The following GPHN variants were observed in gnomAD, a reference collection of about 807,000 sequenced individuals.
GPHN encodes gephyrin.
A neutral mutation model predicts 95.5 loss-of-function variants in GPHN; 17 were observed. That is an observed-to-expected ratio of 0.18 (90% CI 0.12 to 0.27). The LOEUF is 0.27. GPHN is among the 10% of genes least tolerant of loss of function. The probability of loss-of-function intolerance (pLI) is 1.00; values close to 1 mark genes in which losing one functional copy is unlikely to be tolerated. For missense variants in GPHN, 660 were observed against 978.1 expected (o/e 0.67, Z 4.34); for synonymous variants, 320 against 322.5 (o/e 0.99, Z 0.08).
At chr14:67,139,946 C>A (rs2080351878) in intron 17 of GPHN, among the ~76,000 whole-genome samples, 1 of 152,062 alleles carries the variant, frequency 6.6e-6, no homozygotes, top group Admixed American at 6.5e-5. Flanking sequence ...TGAGCATATT[C>A]TTTGAAACAT....
At chr14:67,653,313 G>A in the GPHN span, 3 of 712,084 alleles carry the variant, frequency 4.2e-6, no homozygotes, top group South Asian at 5.1e-5. Context: ...GTGGTACTGA[G>A]TATACAGGGA....
At chr14:66,932,463 T>TG (rs1567118549) in intron 8 of GPHN, among the ~76,000 whole-genome samples, 16 of 133,670 alleles carry the variant, frequency 1.2e-4, no homozygotes, top group South Asian at 5.6e-4. Context: ...TTTTTTTTTT[T>TG]TTTTTTTTTT....
chr14:66,801,914 G>A (rs1166666400), intron 3 of GPHN, among the ~76,000 whole-genome samples: 2 of 152,138 alleles, frequency 1.3e-5, no homozygotes, highest in Non-Finnish European at 2.9e-5. Flanking sequence ...GATCAGGCCT[G>A]AAACCAGCAC....
intron 11 of GPHN, among the ~76,000 whole-genome samples, chr14:67,070,873 C>A (rs138688656): frequency 6.6e-6 from 1 of 151,488 alleles, no homozygotes; most frequent in African/African-American, 2.4e-5. Context: ...ATAAAATTAC[C>A]TATTCACACA....
the GPHN span, chr14:67,571,072 T>A: frequency 6.6e-6 from 1 of 152,408 alleles, no homozygotes; most frequent in Admixed American, 6.5e-5. Context: ...CGAAGCACCA[T>A]AACTATTAAT....
the GPHN span, among the ~76,000 whole-genome samples, chr14:67,250,817 C>T: frequency 1.3e-5 from 2 of 152,146 alleles, no homozygotes; most frequent in African/African-American, 4.8e-5. Flanking sequence ...GTTTTTTATA[C>T]CTTATCCTTT....
At chr14:66,807,137 A>G (rs1299020942) in intron 3 of GPHN, among the ~76,000 whole-genome samples, 3 of 152,228 alleles carry the variant, frequency 2.0e-5, no homozygotes, top group African/African-American at 7.2e-5. Context: ...AGATGGCAGC[A>G]GGCAAAGAGA....
intron 13 of GPHN, 64 bp downstream of exon 13, chr14:67,100,975 C>G (rs910011318): frequency 3.2e-6 from 3 of 931,912 alleles, no homozygotes; most frequent in Admixed American, 1.7e-5. Context: ...GCATCTAATT[C>G]TAAATTTCTC....
intron 1 of GPHN, among the ~76,000 whole-genome samples, chr14:66,570,032 A>C (rs7149352): frequency 0.33 from 49,621 of 151,696 alleles, 11,913 homozygotes; most frequent in African/African-American, 0.65. Context: ...TGAGTGAAAT[A>C]ATATTCTATT....
At chr14:67,397,947 G>T in the GPHN span, 1 of 738,442 alleles carries the variant, frequency 1.4e-6, no homozygotes, top group Non-Finnish European at 2.1e-6. Context: ...CTCCAAGGAA[G>T]ACAGCAGGAT....
chr14:67,027,056 T>G (rs1038811588), intron 10 of GPHN, among the ~76,000 whole-genome samples: 2 of 152,212 alleles, frequency 1.3e-5, no homozygotes, highest in African/African-American at 4.8e-5. Context: ...GAATAGAAAT[T>G]GATAGCTGGT....
At chr14:67,053,380 C>T (rs967491992) in intron 10 of GPHN, among the ~76,000 whole-genome samples, 2 of 151,996 alleles carry the variant, frequency 1.3e-5, no homozygotes, top group African/African-American at 4.8e-5. Context: ...TGGATAAATT[C>T]CTAGACACAC....
chr14:67,233,198 G>A, the GPHN span, among the ~76,000 whole-genome samples: 2 of 151,062 alleles, frequency 1.3e-5, no homozygotes, highest in Non-Finnish European at 2.9e-5. Context: ...CTGGAGTGCA[G>A]TGGTGCAATC....
At chr14:67,669,051 G>C in the GPHN span, among the ~76,000 whole-genome samples, 140 of 152,154 alleles carry the variant, frequency 9.2e-4, 1 homozygote, top group Non-Finnish European at 1.6e-3. Flanking sequence ...GTATTCTAAG[G>C]ACTTTACATA....
intron 1 of GPHN, among the ~76,000 whole-genome samples, chr14:66,522,219 C>T (rs1288497819): frequency 5.9e-5 from 9 of 152,118 alleles, no homozygotes; most frequent in African/African-American, 2.2e-4. Context: ...TAGTAATACA[C>T]ACATAATTGA....
At chr14:66,943,690 C>T (rs894562149) in intron 8 of GPHN, among the ~76,000 whole-genome samples, 34 of 152,198 alleles carry the variant, frequency 2.2e-4, no homozygotes, top group Non-Finnish European at 2.8e-4. Flanking sequence ...GATCCAAGCA[C>T]TATCTTCCTT....
At chr14:66,565,777 G>T (rs1222942899) in intron 1 of GPHN, among the ~76,000 whole-genome samples, 1 of 152,070 alleles carries the variant, frequency 6.6e-6, no homozygotes, top group Non-Finnish European at 1.5e-5. Flanking sequence ...TAATATATGT[G>T]TGAACTAACA....
At chr14:67,663,091 G>C in the GPHN span, 7 of 1,502,506 alleles carry the variant, frequency 4.7e-6, no homozygotes, top group Non-Finnish European at 6.2e-6. Flanking sequence ...CACCGGCAAT[G>C]ACTTGAACGA....
intron 1 of GPHN, among the ~76,000 whole-genome samples, chr14:66,561,372 A>G (rs2060234392): frequency 6.6e-6 from 1 of 151,578 alleles, no homozygotes; most frequent in East Asian, 1.9e-4. Context: ...CTGGTCCTGG[A>G]CTCTTTTTGG....
Sources: gnomAD v4.1 joint callset for allele counts (sites outside exome capture counted in the v4.1 genomes callset) on GRCh38, gnomAD v4.1.1 for gene constraint, MANE v1.5 for transcripts, NCBI Gene and HGNC (gene_info 2026-07-23, HGNC 2026-07-21) for gene names.